TASOR: variants seen among roughly 807,000 people sequenced by gnomAD.
TASOR encodes the protein transcription activation suppressor, also known as protein TASOR.
TASOR carries 53 observed loss-of-function variants against 178.6 expected under a neutral mutation model. The observed-to-expected ratio is 0.30, with a 90% CI of 0.24 to 0.37. The LOEUF (loss-of-function observed/expected upper bound fraction) is 0.37, where lower values mean the gene tolerates loss of function less well. Ranked by LOEUF, TASOR falls within the 10% of genes least tolerant of loss-of-function variation. The pLI is 1.00. For synonymous variants in TASOR, 713 were observed against 696.2 expected, an observed-to-expected ratio of 1.02 and a Z score of -0.38; for missense variants, 1,815 against 1,971.4, an observed-to-expected ratio of 0.92 and a Z score of 1.50.
At position 56,641,414 on chromosome 3, in the gene TASOR, A is replaced by G. The variant is rs1269604369; in HGVS notation, c.2554T>C (p.Ser852Pro). 2 of 1,603,400 alleles carry G rather than the reference A, an allele frequency of 1.2e-6. No individual in the cohort carries two copies. Among genetic ancestry groups the G allele is most frequent in the South Asian group, 1.1e-5 (1 of 90,964 alleles). Reference protein sequence around the residue: ...QSLLLEVDATSKYSVAISTSE... With the variant: ...QSLLLEVDATPKYSVAISTSE... ...GTAGAAATAGCAACAGAATACTTAG[A>G]TGTTGCATCAACTTCTAGTAATAAG... The change falls in exon 15 of 24, where the codon TCT (serine) becomes CCT (proline). Residue 852 changes from serine (S) to proline (P), a missense_variant. Physicochemically the swap from Ser to Pro is moderately conservative, Grantham distance 74 (BLOSUM62 -1). Transcript: ENST00000683822.
chr3:56,670,777 A>G (rs2030601890), intron 3 of TASOR, among the ~76,000 whole-genome samples: 1 of 151,502 alleles, frequency 6.6e-6, no homozygotes, highest in Admixed American at 6.6e-5. Context: ...CTCTACTAAA[A>G]ACGCAAAAAA....
At chr3:56,658,973 T>C (rs984174162) in intron 11 of TASOR, among the ~76,000 whole-genome samples, 2 of 115,912 alleles carry the variant, frequency 1.7e-5, no homozygotes, top group Non-Finnish European at 3.5e-5. Flanking sequence ...TGTGTGTGTG[T>C]GTGTGTGCAC....
In TASOR at chr3:56,683,223, T is replaced by C; in HGVS notation, c.-217A>G. Reference sequence around the variant, plus strand: ...CCCGGTCCTCGGAGCCGCTCCTCCCTCGGGCAGTTCTTCTGCCTTCCCCCG... The same window carrying C: ...CCCGGTCCTCGGAGCCGCTCCTCCCCCGGGCAGTTCTTCTGCCTTCCCCCG... On this transcript the variant is annotated 5_prime_UTR_variant, in exon 1 of 24. Transcript: ENST00000683822. 1 of 484,406 alleles carries C rather than the reference T, an allele frequency of 2.1e-6. No homozygotes were observed. The highest frequency in any genetic ancestry group is 3.4e-5 in the East Asian group (1 of 29,716). The allele number at this position is 484,406 out of a possible 1,614,324, so 30.0% of individuals were successfully genotyped here. A position where few individuals can be genotyped will look rare whatever the true frequency, so the allele number is the denominator to read the frequency against.
chr3:56,621,086 C>T lies in TASOR; in HGVS notation c.*1951G>A, dbSNP rs939442821. On this transcript the variant is annotated 3_prime_UTR_variant, in exon 24 of 24. Transcript: ENST00000683822. ...GGTTGAGGCAGGAGAATGGTGTGAA[C>T]CTGGGAGGCAGAGCTTGCAGTGAGA... 1 of 151,890 alleles carries T rather than the reference C, an allele frequency of 6.6e-6. No individual in the cohort carries two copies. The highest frequency in any genetic ancestry group is 1.5e-5 in the Non-Finnish European group (1 of 68,208). The allele number at this position is 151,890 out of a possible 1,614,324, so 9.4% of individuals were successfully genotyped here.
chr3:56,626,837 T>C (rs2076810153), intron 21 of TASOR, among the ~76,000 whole-genome samples, 200 bp downstream of exon 21: 1 of 151,862 alleles, frequency 6.6e-6, no homozygotes, highest in Non-Finnish European at 1.5e-5. Context: ...CCTATGCACA[T>C]AACAACTTCA....
intron 7 of TASOR, among the ~76,000 whole-genome samples, chr3:56,665,926 G>A (rs1272613307): frequency 6.6e-6 from 1 of 152,118 alleles, no homozygotes; most frequent in African/African-American, 2.4e-5. Flanking sequence ...CCGAGATCCT[G>A]CCAATGCACT....
chr3:56,662,527 T>C (rs774788198), intron 8 of TASOR, 37 bp from the exon 9 acceptor site: 8 of 1,084,498 alleles, frequency 7.4e-6, no homozygotes, highest in Middle Eastern at 2.3e-4. Context: ...GCTTAGTCAC[T>C]TGGCAGCCCA....
Position 56,670,365 on chromosome 3 carries a change from A to T in TASOR, c.571-220T>A, listed in dbSNP as rs1032104265. Among the ~76,000 whole-genome samples the T allele has an allele frequency of 4.6e-5, 7 of 152,206 alleles. 1 individual carries two copies. The highest frequency in any genetic ancestry group is 1.3e-4 in the Admixed American group (2 of 15,282). ...TCTAGAATCCATTTTTCTTCATTTT[A>T]ATTTTTTTAGAGATAGGGTCTCCCT... On this transcript the variant is annotated intron_variant, in intron 3 of 23. Transcript: ENST00000683822.
chr3:56,634,818 G>GT (rs2076985283), intron 17 of TASOR, among the ~76,000 whole-genome samples: 1 of 152,030 alleles, frequency 6.6e-6, no homozygotes, highest in South Asian at 2.1e-4. Flanking sequence ...TTCAAACACA[G>GT]TATGTTTTTG....
At chr3:56,656,504 T>C (rs1008846775) in intron 11 of TASOR, among the ~76,000 whole-genome samples, 1 of 151,598 alleles carries the variant, frequency 6.6e-6, no homozygotes, top group African/African-American at 2.4e-5. Flanking sequence ...GGCAGGAGAA[T>C]TCCTTGAACC....
chr3:56,622,883 CA>C lies in TASOR; in HGVS notation c.*153del. On this transcript the variant is annotated 3_prime_UTR_variant, in exon 24 of 24. Transcript: ENST00000683822. The stretch of plus-strand genomic sequence containing the variant: ...ATATGTTAAAAATATATATTTATTT[CA>C]ATTTTTAGATGCTTCAACTGTTACA... 2.2e-6 allele frequency: 1 copy of C among 449,390 alleles called. No homozygotes were observed. The highest frequency in any genetic ancestry group is 3.5e-5 in the East Asian group (1 of 28,946). The allele number at this position is 449,390 out of a possible 1,614,324, so 27.8% of individuals were successfully genotyped here.
At chr3:56,638,882 C>G in intron 16 of TASOR, 117 bp from the exon 17 acceptor site, 1 of 963,014 alleles carries the variant, frequency 1.0e-6, no homozygotes, top group African/African-American at 1.6e-5. Context: ...CTAAAATAAT[C>G]TGAAGGGTCA....
chr3:56,671,674 C>T lies in TASOR; in HGVS notation c.496G>A (p.Glu166Lys). 1 of 1,549,238 alleles carries T rather than the reference C, an allele frequency of 6.5e-7. No individual in the cohort carries two copies. The highest frequency in any genetic ancestry group is 1.4e-5 in the African/African-American group (1 of 73,110). The change falls in exon 3 of 24, where the codon GAA becomes AAA. Residue 166 changes from glutamate to lysine, a missense_variant. Coordinates refer to ENST00000683822, the MANE Select transcript of TASOR (RefSeq NM_001365635.2). Reference sequence around the variant, plus strand: ...TCTAAACGACCATCAAACTTCAGTTCTCTTCGCTTTTCTGTAAACTAAATG... The same window carrying T: ...TCTAAACGACCATCAAACTTCAGTTTTCTTCGCTTTTCTGTAAACTAAATG... The part of the protein sequence containing the change: ...LEKEFTEKRR[E>K]LKFDGRLDKE...
At position 56,639,589 on chromosome 3, in the gene TASOR, C is replaced by T. The variant is rs545833668; in HGVS notation, c.2764+397G>A. 6.6e-5 allele frequency among the ~76,000 whole-genome samples: 10 copies of T among 152,264 alleles called. No homozygotes were observed. In the South Asian group the frequency reaches 1.9e-3, roughly 28 times the overall value. On this transcript the variant is annotated intron_variant, in intron 16 of 23. Coordinates refer to ENST00000683822, the MANE Select transcript of TASOR (RefSeq NM_001365635.2). ...CTCAACATTATCACTTATTAGATGA[C>T]AGCTTGTTACGGTGAAGTTTAAAGT...
In TASOR at chr3:56,648,224, A is replaced by G. The variant is rs576795140; in HGVS notation, c.1513+598T>C. Among the ~76,000 whole-genome samples, 177 of 152,302 alleles carry G rather than the reference A, an allele frequency of 1.2e-3. 1 individual carries two copies. Among genetic ancestry groups the G allele is most frequent in the Non-Finnish European group, 1.7e-3 (113 of 68,028 alleles). ...TCTATCTCCAACAGAGTGAGACTCT[A>G]TCTCTAAAATAAATAAAAAGTAACC... On this transcript the variant is annotated intron_variant, in intron 13 of 23. Coordinates refer to ENST00000683822, the MANE Select transcript of TASOR (RefSeq NM_001365635.2).
chr3:56,682,605 G>A (rs905104909), intron 1 of TASOR, 71 bp downstream of exon 1: 5 of 1,336,402 alleles, frequency 3.7e-6, no homozygotes, highest in Admixed American at 5.9e-5. Context: ...GTGGGAAGAG[G>A]AGATAGAAAG....
chr3:56,683,243 C>T lies in TASOR; in HGVS notation c.-237G>A, dbSNP rs1480473430. The T allele has an allele frequency of 4.6e-6, 2 of 433,574 alleles. No individual in the cohort carries two copies. Among genetic ancestry groups the T allele is most frequent in the Non-Finnish European group, 8.1e-6 (2 of 246,996 alleles). The allele number at this position is 433,574 out of a possible 1,614,324, so 26.9% of individuals were successfully genotyped here. On this transcript the variant is annotated 5_prime_UTR_variant, in exon 1 of 24. Coordinates refer to ENST00000683822, the MANE Select transcript of TASOR (RefSeq NM_001365635.2). ...CTCCCTCGGGCAGTTCTTCTGCCTT[C>T]CCCCGCCACTCAACGTGCGCGCGTC...
At chr3:56,634,332 T>TG (rs1375266129) in intron 17 of TASOR, among the ~76,000 whole-genome samples, 2 of 152,220 alleles carry the variant, frequency 1.3e-5, no homozygotes, top group African/African-American at 4.8e-5. Context: ...GCTCAATCCC[T>TG]GTATTTATTA....
intron 1 of TASOR, 142 bp from the exon 2 acceptor site, chr3:56,673,867 G>C (rs538583061): frequency 1.4e-6 from 1 of 697,826 alleles, no homozygotes; most frequent in African/African-American, 1.9e-5. Flanking sequence ...ACGCAAAAGA[G>C]ATACTTATTA....
Sources: allele counts gnomAD v4.1 joint callset (sites outside exome capture counted in the v4.1 genomes callset), GRCh38; gene constraint gnomAD v4.1.1; transcripts MANE v1.5; gene names NCBI Gene and HGNC (gene_info 2026-07-23, HGNC 2026-07-21).